Variants in SVIL observed in about 807,000 individuals in gnomAD.
The protein encoded by SVIL is supervillin, also known as archvillin.
A neutral mutation model predicts 240.4 loss-of-function variants in SVIL; 101 were observed. That is an observed-to-expected ratio of 0.42 (90% CI 0.36 to 0.50). SVIL has a LOEUF of 0.50. Among genes scored for constraint, SVIL ranks in the 20% least tolerant of loss-of-function variants. SVIL has a pLI of 0.01. For synonymous variants in SVIL, 999 were observed against 1,100.0 expected, an observed-to-expected ratio of 0.91 and a Z score of 1.82; for missense variants, 2,512 against 2,818.7, an observed-to-expected ratio of 0.89 and a Z score of 2.46.
chr10:29,733,835 A>C (rs1964755775), intron 1 of SVIL, among the ~76,000 whole-genome samples: 1 of 152,234 alleles, frequency 6.6e-6, no homozygotes, highest in African/African-American at 2.4e-5. Context: ...TTTTAAGTAC[A>C]TTCAGGACAA....
intron 1 of SVIL, among the ~76,000 whole-genome samples, chr10:29,732,864 T>G (rs1331301567): frequency 3.9e-5 from 6 of 152,122 alleles, no homozygotes; most frequent in South Asian, 2.1e-4. Context: ...TTTTGTTTTT[T>G]TTTTTTTAAT....
intron 1 of SVIL, among the ~76,000 whole-genome samples, chr10:29,704,600 T>G (rs573077962): frequency 1.3e-5 from 2 of 152,326 alleles, no homozygotes; most frequent in African/African-American, 4.8e-5. Flanking sequence ...CAATAATTTC[T>G]TCACCAAATT....
At chr10:29,689,409 C>T (rs140648822) in intron 1 of SVIL, among the ~76,000 whole-genome samples, 28 of 152,254 alleles carry the variant, frequency 1.8e-4, no homozygotes, top group East Asian at 1.2e-3. Context: ...CTCAGCTTCC[C>T]GAGTAGTGGG....
intron 2 of SVIL, among the ~76,000 whole-genome samples, chr10:29,659,569 G>A (rs1040023022): frequency 2.0e-5 from 3 of 152,140 alleles, no homozygotes; most frequent in Non-Finnish European, 2.9e-5. Flanking sequence ...AGAGAATGGG[G>A]TTCATCTCCA....
Position 29,602,176 on chromosome 10 carries a change from C to T in SVIL, c.-201+32244G>A, listed in dbSNP as rs79654459. On this transcript the variant is annotated intron_variant, in intron 1 of 37. Transcript: ENST00000355867. ...ACACCTACAAAAGAAATGCTGTCCA[C>T]GACAAAAGAGTTCTGATCATTTTGC... 3.9e-3 allele frequency: 1,816 copies of T among 471,208 alleles called. 28 individuals are homozygous for T. The highest frequency in any genetic ancestry group is 0.032 in the African/African-American group (1,611 of 50,004). The allele number at this position is 471,208 out of a possible 1,614,324, so 29.2% of individuals were successfully genotyped here.
intron 1 of SVIL, among the ~76,000 whole-genome samples, chr10:29,728,659 G>A (rs570725996): frequency 2.0e-5 from 3 of 152,274 alleles, no homozygotes; most frequent in African/African-American, 7.2e-5. Flanking sequence ...GCCTTGGATA[G>A]AAACAAAGCC....
chr10:29,489,144 C>T (rs936279723), intron 22 of SVIL, among the ~76,000 whole-genome samples: 42 of 152,272 alleles, frequency 2.8e-4, no homozygotes, highest in African/African-American at 9.1e-4. Flanking sequence ...ACTGTTAGAC[C>T]GCTTTCACCA....
At chr10:29,662,497 G>A (rs1160266887) in intron 2 of SVIL, among the ~76,000 whole-genome samples, 4 of 152,184 alleles carry the variant, frequency 2.6e-5, no homozygotes, top group Non-Finnish European at 5.9e-5. Flanking sequence ...CTCCCCATTA[G>A]AGAAGGTCCC....
At chr10:29,488,961 C>T (rs1025491768) in intron 22 of SVIL, among the ~76,000 whole-genome samples, 1 of 152,220 alleles carries the variant, frequency 6.6e-6, no homozygotes, top group Non-Finnish European at 1.5e-5. Context: ...AAAATATAAA[C>T]TGCTTGTTGA....
In SVIL at chr10:29,486,454, G is replaced by A. The variant is rs1947410842; in HGVS notation, c.4589C>T (p.Ala1530Val). ...EEGINTHTHAAKDFWKLLGGQ... is the reference protein window; with the variant it reads ...EEGINTHTHAVKDFWKLLGGQ... ...ACCCAGAAGCTTCCAGAAGTCTTTG[G>A]CTGCATGAGTGTGTGTATTAATTCC... is the stretch of plus-strand genomic sequence containing the variant. Residue 1530 changes from alanine to valine, a missense_variant, in exon 25 of 38, where the codon GCC (alanine) becomes GTC (valine). Ala to Val is a moderately conservative substitution (Grantham distance 64, BLOSUM62 0). Transcript: ENST00000355867. The A allele has an allele frequency of 6.2e-7, 1 of 1,614,074 alleles. No homozygotes were observed. Among genetic ancestry groups the A allele is most frequent in the Non-Finnish European group, 8.5e-7 (1 of 1,180,050 alleles).
chr10:29,495,733 T>C (rs1385810290), intron 18 of SVIL, among the ~76,000 whole-genome samples: 3 of 152,164 alleles, frequency 2.0e-5, no homozygotes, highest in African/African-American at 4.8e-5. Flanking sequence ...CCTGTCCATC[T>C]CCCGTGTGGG....
At chr10:29,508,655 G>C in intron 17 of SVIL, 1 of 338,680 alleles carries the variant, frequency 3.0e-6, no homozygotes, top group South Asian at 2.3e-5. Context: ...CTATGATCTG[G>C]AATTTCAATG....
At chr10:29,536,284 G>GA (rs1344410029) in intron 6 of SVIL, among the ~76,000 whole-genome samples, 1 of 152,124 alleles carries the variant, frequency 6.6e-6, no homozygotes, top group African/African-American at 2.4e-5. Context: ...GGCGGGGATG[G>GA]AAACACAACC....
chr10:29,462,001 A>T (rs574107346), intron 36 of SVIL, among the ~76,000 whole-genome samples: 2 of 152,352 alleles, frequency 1.3e-5, no homozygotes, highest in Non-Finnish European at 2.9e-5. Context: ...CGCAGCTTTT[A>T]TGTACATATA....
chr10:29,480,434 G>A (rs1052161477), intron 29 of SVIL, 103 bp downstream of exon 29: 9 of 1,440,290 alleles, frequency 6.2e-6, no homozygotes, highest in South Asian at 2.6e-5. Flanking sequence ...CCCACTGCAC[G>A]GACGCAGCAG....
In SVIL at chr10:29,530,631, G is replaced by A. The variant is rs778769331; in HGVS notation, c.2082C>T (p.Val694=). ...CCCTGAAAAGCAACCTCTTGGCGGC[G>A]ACGCTCAGCTTGGCTCGTTCATCCA... is the stretch of plus-strand genomic sequence containing the variant. ...EKVDERAKLS[V]AAKRLLFREM... Residue 694 remains valine, a synonymous_variant, in exon 11 of 38, where the codon GTC becomes GTT. Transcript: ENST00000355867. 2.5e-5 allele frequency: 41 copies of A among 1,613,954 alleles called. No homozygotes were observed. Among genetic ancestry groups the A allele is most frequent in the South Asian group, 3.3e-5 (3 of 91,080 alleles).
chr10:29,699,981 T>G (rs1373272035), intron 1 of SVIL, among the ~76,000 whole-genome samples: 1 of 152,246 alleles, frequency 6.6e-6, no homozygotes, highest in Admixed American at 6.5e-5. Flanking sequence ...GGCCCTGGCT[T>G]ACCAAGGAAA....
At chr10:29,491,172 A>T (rs562736034) in intron 21 of SVIL, among the ~76,000 whole-genome samples, 153 bp from the exon 22 acceptor site, 8 of 152,144 alleles carry the variant, frequency 5.3e-5, no homozygotes, top group East Asian at 1.9e-4. Context: ...GAGTCGTAGA[A>T]TCTTGGAGAT....
At chr10:29,617,442 G>C (rs185636367) in intron 1 of SVIL, among the ~76,000 whole-genome samples, 1 of 151,960 alleles carries the variant, frequency 6.6e-6, no homozygotes, top group Non-Finnish European at 1.5e-5. Flanking sequence ...TTAGCCAGGC[G>C]TGGTGGTGCG....
Sources: allele counts gnomAD v4.1 joint callset (sites outside exome capture counted in the v4.1 genomes callset), GRCh38; gene constraint gnomAD v4.1.1; transcripts MANE v1.5; gene names NCBI Gene and HGNC (gene_info 2026-07-23, HGNC 2026-07-21).